RIMBP2: variants seen among roughly 807,000 people sequenced by gnomAD.
RIMBP2 encodes the protein RIMS binding protein 2.
A neutral mutation model predicts 118.6 loss-of-function variants in RIMBP2; 48 were observed. That is an observed-to-expected ratio of 0.40 (90% CI 0.32 to 0.51). The LOEUF is 0.51. Among genes scored for constraint, RIMBP2 ranks in the 20% least tolerant of loss-of-function variants. The pLI is 0.41. For missense variants in RIMBP2, 1,551 were observed against 1,768.3 expected, an observed-to-expected ratio of 0.88 and a Z score of 2.20; for synonymous variants, 762 against 742.9, an observed-to-expected ratio of 1.03 and a Z score of -0.42.
At chr12:130,533,743 TTA>T (rs780311934) in intron 2 of RIMBP2, among the ~76,000 whole-genome samples, 73 of 152,274 alleles carry the variant, frequency 4.8e-4, no homozygotes, top group Non-Finnish European at 8.7e-4. Context: ...AAGAATGAAA[TTA>T]TGTCTTTTAC....
At chr12:130,528,537 A>G (rs567210682) in intron 2 of RIMBP2, among the ~76,000 whole-genome samples, 3 of 152,310 alleles carry the variant, frequency 2.0e-5, no homozygotes, top group Admixed American at 1.3e-4. Context: ...TGATAGGTGC[A>G]GCAAACCACC....
chr12:130,466,642 A>G (rs2080503685), intron 6 of RIMBP2, among the ~76,000 whole-genome samples: 1 of 152,192 alleles, frequency 6.6e-6, no homozygotes, highest in South Asian at 2.1e-4. Flanking sequence ...ATAGCCGCAA[A>G]GATTAAAAAG....
chr12:130,423,438 T>C (rs772938560), intron 16 of RIMBP2, among the ~76,000 whole-genome samples: 1 of 152,142 alleles, frequency 6.6e-6, no homozygotes, highest in African/African-American at 2.4e-5. Flanking sequence ...CTCACCTGTG[T>C]TTTCAATGAA....
chr12:130,437,780 C>G (rs977319973), intron 12 of RIMBP2, among the ~76,000 whole-genome samples: 5 of 152,192 alleles, frequency 3.3e-5, no homozygotes, highest in Admixed American at 1.3e-4. Context: ...CTCAGGCAGA[C>G]GCACTGCCTC....
At chr12:130,556,133 AC>A (rs1365528342) in intron 2 of RIMBP2, among the ~76,000 whole-genome samples, 2 of 152,062 alleles carry the variant, frequency 1.3e-5, no homozygotes, top group Admixed American at 6.6e-5. Flanking sequence ...TGTCAAGCAA[AC>A]CCGTGTTTTC....
intron 1 of RIMBP2, among the ~76,000 whole-genome samples, chr12:130,681,271 C>T (rs1206100278): frequency 6.7e-6 from 1 of 149,124 alleles, no homozygotes; most frequent in East Asian, 2.0e-4. Context: ...CAGTGAGACC[C>T]TATCTCTAAA....
chr12:130,599,240 A>G (rs1046690390), intron 2 of RIMBP2, among the ~76,000 whole-genome samples: 2 of 152,242 alleles, frequency 1.3e-5, no homozygotes, highest in African/African-American at 4.8e-5. Context: ...ACCAAAGTAC[A>G]TTCTGTCAGA....
chr12:130,449,845 G>A (rs1307013681), intron 9 of RIMBP2, among the ~76,000 whole-genome samples: 5 of 152,040 alleles, frequency 3.3e-5, no homozygotes, highest in East Asian at 1.9e-4. Flanking sequence ...AGCCAGGGCC[G>A]CCTGGTCTCC....
At chr12:130,514,205 T>C (rs7305684) in intron 3 of RIMBP2, among the ~76,000 whole-genome samples, 25,970 of 152,248 alleles carry the variant, frequency 0.17, 2,591 homozygotes, top group South Asian at 0.29. Context: ...TTCCTGTCCA[T>C]GCCGGGTGAG....
rs545319815 is a variant in RIMBP2 at position 130,687,135 on chromosome 12, T to C, written c.-352+29087A>G. Among the ~76,000 whole-genome samples, 4 of 152,316 alleles carry C rather than the reference T, an allele frequency of 2.6e-5. No homozygotes were observed. In the East Asian group the frequency reaches 7.7e-4, roughly 29 times the overall value. On this transcript the variant is annotated intron_variant, in intron 1 of 22. Transcript: ENST00000690449. ...GCGCCCAGATCCTGCTGCTAAAACC[T>C]CGTCTAGTTCCTGATACTTTATGAA...
At chr12:130,480,767 AT>A (rs2081927988) in intron 4 of RIMBP2, among the ~76,000 whole-genome samples, 1 of 151,980 alleles carries the variant, frequency 6.6e-6, no homozygotes, top group Admixed American at 6.6e-5. Context: ...TGCTGGGCTA[AT>A]TTTTGTATTT....
chr12:130,675,125 C>A (rs1022651091), intron 1 of RIMBP2, among the ~76,000 whole-genome samples: 1 of 152,176 alleles, frequency 6.6e-6, no homozygotes, highest in African/African-American at 2.4e-5. Context: ...GGACTAGGAC[C>A]CCAGTTGTCC....
intron 10 of RIMBP2, among the ~76,000 whole-genome samples, chr12:130,443,270 T>C (rs1306090628): frequency 6.8e-6 from 1 of 147,506 alleles, no homozygotes; most frequent in African/African-American, 2.5e-5. Context: ...AAAGTCAAAG[T>C]AGCTCTTGTG....
intron 1 of RIMBP2, among the ~76,000 whole-genome samples, chr12:130,666,089 C>A (rs1385963360): frequency 6.6e-6 from 1 of 152,152 alleles, no homozygotes; most frequent in Non-Finnish European, 1.5e-5. Flanking sequence ...TGTATGGGTT[C>A]TATCTCTGCA....
chr12:130,646,559 C>T (rs932740058), intron 1 of RIMBP2, among the ~76,000 whole-genome samples: 1 of 152,236 alleles, frequency 6.6e-6, no homozygotes. Context: ...TTTTCAGATG[C>T]TTTCTTGCCC....
rs71088776 is a variant in RIMBP2, at chr12:130,664,446, C to CAT, written c.-351-35991_-351-35990insAT. On this transcript the variant is annotated intron_variant, in intron 1 of 22. Transcript: ENST00000690449. Reference sequence around the variant, plus strand: ...GCACACACATGCATGCACGCACACACGCACACACATGCACGCACACACACG... The same window carrying CAT: ...GCACACACATGCATGCACGCACACACATGCACACACATGCACGCACACACACG... 7.4e-4 allele frequency among the ~76,000 whole-genome samples: 54 copies of CAT among 73,206 alleles called. 4 individuals are homozygous for CAT. The highest frequency in any genetic ancestry group is 1.5e-3 in the Non-Finnish European group (41 of 28,242). 48.0% of individuals were successfully genotyped at this position (73,206 alleles called of 152,430 possible).
At chr12:130,514,775 G>T (rs74463761) in intron 3 of RIMBP2, among the ~76,000 whole-genome samples, 10,142 of 152,302 alleles carry the variant, frequency 0.067, 407 homozygotes, top group Middle Eastern at 0.15. Flanking sequence ...TCAGACCTCA[G>T]TGTGAGTGAG....
intron 16 of RIMBP2, among the ~76,000 whole-genome samples, chr12:130,423,726 C>A (rs1593242375): frequency 5.6e-5 from 6 of 106,482 alleles, no homozygotes; most frequent in African/African-American, 1.5e-4. Context: ...TGTCAGAAAG[C>A]AATGAAAAAA....
chr12:130,423,041 A>C (rs2076516859), intron 16 of RIMBP2, among the ~76,000 whole-genome samples: 1 of 152,178 alleles, frequency 6.6e-6, no homozygotes, highest in Admixed American at 6.5e-5. Flanking sequence ...AAGTTTCTAC[A>C]TTTTATCAGC....
Sources: gnomAD v4.1 joint callset for allele counts (sites outside exome capture counted in the v4.1 genomes callset) on GRCh38, gnomAD v4.1.1 for gene constraint, MANE v1.5 for transcripts, NCBI Gene and HGNC (gene_info 2026-07-23, HGNC 2026-07-21) for gene names.